The following KCTD16 variants were observed in gnomAD, a reference collection of about 807,000 sequenced individuals.
KCTD16 encodes the protein BTB/POZ domain-containing protein KCTD16.
Under a neutral mutation model 33.2 loss-of-function variants are expected in KCTD16, and 13 were observed. That is an observed-to-expected ratio of 0.39 (90% confidence interval 0.25 to 0.62). KCTD16 has a LOEUF of 0.62. Ranked by LOEUF, KCTD16 falls within the 20% of genes least tolerant of loss-of-function variation. KCTD16 has a pLI of 0.50. For synonymous variants in KCTD16, 197 were observed against 195.3 expected (o/e 1.01, Z -0.07); for missense variants, 441 against 525.1 (o/e 0.84, Z 1.57).
intron 3 of KCTD16, among the ~76,000 whole-genome samples, chr5:144,455,757 G>T (rs1305778334): frequency 6.6e-6 from 1 of 152,172 alleles, no homozygotes; most frequent in African/African-American, 2.4e-5. Flanking sequence ...TGAGGTGAAG[G>T]CTTGACAGCC....
intron 3 of KCTD16, among the ~76,000 whole-genome samples, chr5:144,273,688 T>C (rs1217808037): frequency 6.6e-6 from 1 of 151,762 alleles, no homozygotes; most frequent in Non-Finnish European, 1.5e-5. Context: ...AGACAAATAC[T>C]TTATGGTGAT....
chr5:144,291,894 T>C (rs1305093341), intron 3 of KCTD16, among the ~76,000 whole-genome samples: 1 of 152,240 alleles, frequency 6.6e-6, no homozygotes, highest in Non-Finnish European at 1.5e-5. Context: ...GCGCATCATG[T>C]CAGTTATTTC....
chr5:144,341,926 T>A (rs1037223251), intron 3 of KCTD16, among the ~76,000 whole-genome samples: 1 of 152,258 alleles, frequency 6.6e-6, no homozygotes, highest in Non-Finnish European at 1.5e-5. Context: ...AGTTTCAGTC[T>A]TGTATGTAAG....
At chr5:144,452,774 A>T (rs1753974442) in intron 3 of KCTD16, among the ~76,000 whole-genome samples, 1 of 120,928 alleles carries the variant, frequency 8.3e-6, no homozygotes, top group African/African-American at 3.2e-5. Flanking sequence ...AAGCAAGAAT[A>T]AAAAAAAAAA....
intron 3 of KCTD16, among the ~76,000 whole-genome samples, chr5:144,393,557 T>TAG (rs542496682): frequency 1.1e-4 from 16 of 152,110 alleles, no homozygotes; most frequent in African/African-American, 3.4e-4. Flanking sequence ...TGTATATATA[T>TAG]AGAGAGAGAG....
intron 3 of KCTD16, among the ~76,000 whole-genome samples, chr5:144,328,371 A>G (rs1235514328): frequency 1.3e-5 from 2 of 152,114 alleles, no homozygotes; most frequent in Non-Finnish European, 2.9e-5. Flanking sequence ...GAGGCCGAGG[A>G]AGAGGAAGAA....
chr5:144,215,546 A>G (rs2546532), intron 3 of KCTD16, among the ~76,000 whole-genome samples: 46,693 of 152,136 alleles, frequency 0.31, 7,348 homozygotes, highest in African/African-American at 0.36. Flanking sequence ...TTGAATCTCA[A>G]CTTTGCTACC....
At chr5:144,266,370 G>A (rs1755142509) in intron 3 of KCTD16, among the ~76,000 whole-genome samples, 1 of 152,178 alleles carries the variant, frequency 6.6e-6, no homozygotes, top group Non-Finnish European at 1.5e-5. Context: ...ATGGACAGCT[G>A]TAGCCAAAGA....
chr5:144,252,823 A>G (rs1384272171), intron 3 of KCTD16, among the ~76,000 whole-genome samples: 1 of 151,498 alleles, frequency 6.6e-6, no homozygotes, highest in Non-Finnish European at 1.5e-5. Flanking sequence ...TCTTTAACTC[A>G]GTAATTAGAG....
At chr5:144,205,832 A>T (rs1373582635) in intron 2 of KCTD16, 1 of 353,802 alleles carries the variant, frequency 2.8e-6, no homozygotes, top group Non-Finnish European at 5.0e-6. Context: ...ACATACATAC[A>T]TAAATACAAA....
chr5:144,303,550 C>G (rs991790659), intron 3 of KCTD16, among the ~76,000 whole-genome samples: 4 of 152,172 alleles, frequency 2.6e-5, no homozygotes, highest in Admixed American at 2.0e-4. Context: ...CATGATTAAG[C>G]TTTTTGTGCT....
At chr5:144,442,631 C>G (rs1241603589) in intron 3 of KCTD16, among the ~76,000 whole-genome samples, 1 of 150,058 alleles carries the variant, frequency 6.7e-6, no homozygotes, top group Admixed American at 6.7e-5. Flanking sequence ...TTTCTGGTTG[C>G]TCTGTAATTC....
chr5:144,307,603 ATGG>A, intron 3 of KCTD16, among the ~76,000 whole-genome samples: 1 of 152,314 alleles, frequency 6.6e-6, no homozygotes, highest in Middle Eastern at 3.4e-3. Context: ...CAGTTTGCAA[ATGG>A]TGGAGACAGA....
In KCTD16 at chr5:144,206,907, C is replaced by G. The variant is rs1753193304; in HGVS notation, c.193C>G (p.Leu65Val). The G allele has an allele frequency of 1.1e-5, 17 of 1,614,182 alleles. No homozygotes were observed. The highest frequency in any genetic ancestry group is 1.4e-5 in the Non-Finnish European group (17 of 1,180,028). ...FSPKRDTAND[L>V]AKDSKGRFFI... The stretch of plus-strand genomic sequence containing the variant: ...CCCAAAGAGAGACACGGCTAATGAT[C>G]TAGCCAAGGACTCCAAGGGAAGGTT... The change falls in exon 3 of 4, where the codon CTA becomes GTA. Residue 65 changes from leucine to valine, a missense_variant. Around this residue, in one of 3 missense-constraint regions of KCTD16, gnomAD observed 80 missense variants for 88.5 expected, o/e 0.90. Transcript: ENST00000512467.
chr5:144,257,342 A>G (rs1377786764), intron 3 of KCTD16, among the ~76,000 whole-genome samples: 1 of 152,204 alleles, frequency 6.6e-6, no homozygotes, highest in African/African-American at 2.4e-5. Flanking sequence ...CTTTTGATCT[A>G]CAAGGTGGGA....
At position 144,215,240 on chromosome 5, in the gene KCTD16, T is replaced by A. The variant is rs896042029; in HGVS notation, c.832+7694T>A. On this transcript the variant is annotated intron_variant, in intron 3 of 3. Transcript: ENST00000512467. Reference sequence around the variant, plus strand: ...GCAGCAAAGACTCCTGTGGTCTCCTTTTAGTTGGTTCATCCAAGCAGGAGT... The same window carrying A: ...GCAGCAAAGACTCCTGTGGTCTCCTATTAGTTGGTTCATCCAAGCAGGAGT... 2.0e-5 allele frequency among the ~76,000 whole-genome samples: 3 copies of A among 152,050 alleles called. No homozygotes were observed. The East Asian group carries it at 5.8e-4, about 29-fold the overall frequency.
intron 3 of KCTD16, among the ~76,000 whole-genome samples, chr5:144,346,443 A>G (rs1028228002): frequency 6.6e-6 from 1 of 152,140 alleles, no homozygotes; most frequent in African/African-American, 2.4e-5. Flanking sequence ...ACTATTCTCC[A>G]AAGTGGCTGT....
intron 3 of KCTD16, among the ~76,000 whole-genome samples, chr5:144,244,817 G>T (rs182232959): frequency 4.3e-4 from 65 of 152,198 alleles, no homozygotes; most frequent in Non-Finnish European, 8.4e-4. Flanking sequence ...TTCTTAATTG[G>T]TAAAAATGAA....
At chr5:144,369,874 TATAAG>T (rs529381586) in intron 3 of KCTD16, among the ~76,000 whole-genome samples, 13 of 152,184 alleles carry the variant, frequency 8.5e-5, no homozygotes, top group Non-Finnish European at 1.3e-4. Context: ...TAATAGGACT[TATAAG>T]AAAACATATG....
Sources: allele counts gnomAD v4.1 joint callset (sites outside exome capture counted in the v4.1 genomes callset), GRCh38; gene constraint gnomAD v4.1.1; regional missense constraint gnomAD v4.1.1; transcripts MANE v1.5; gene names NCBI Gene and HGNC (gene_info 2026-07-23, HGNC 2026-07-21).